Variants in EFS observed in about 807,000 individuals in gnomAD.
The protein encoded by EFS is Cas scaffolding protein family member 3.
Under a neutral mutation model 42.2 loss-of-function variants are expected in EFS, and 34 were observed. The ratio of observed to expected loss-of-function variants is 0.81; its 90% CI spans 0.61 to 1.07. EFS has a LOEUF of 1.07. EFS is among the 50% of genes least tolerant of loss of function. The probability of loss-of-function intolerance (pLI) is 0.00; values close to 1 mark genes in which losing one functional copy is unlikely to be tolerated. For synonymous variants in EFS, 299 were observed against 320.7 expected (o/e 0.93, Z 0.72); for missense variants, 717 against 729.4 (o/e 0.98, Z 0.20).
rs1338850637 is a variant in EFS at position 23,359,435 on chromosome 14, C to T, written c.1043G>A (p.Gly348Glu). Reference protein sequence around the residue: ...PPPPPRLPGYGGPKVEGDPEG... With the variant: ...PPPPPRLPGYEGPKVEGDPEG... ...TGGATCCCCCTCGACCTTGGGGCCT[C>T]CATAACCAGGCAGGCGGGGTGGGGG... The change falls in exon 4 of 6, where the codon GGA (glycine) becomes GAA (glutamate). Residue 348 changes from glycine to glutamate, a missense_variant. Physicochemically the swap from Gly to Glu is moderately conservative, Grantham distance 98 (BLOSUM62 -2). Coordinates refer to ENST00000216733, the MANE Select transcript of EFS (RefSeq NM_005864.4). The T allele has an allele frequency of 6.2e-7, 1 of 1,607,664 alleles. No homozygotes were observed. Among genetic ancestry groups the T allele is most frequent in the East Asian group, 2.3e-5 (1 of 44,406 alleles).
At chr14:23,359,004 A>G in intron 4 of EFS, 39 bp from the exon 5 acceptor site, 1 of 1,557,202 alleles carries the variant, frequency 6.4e-7, no homozygotes, top group Non-Finnish European at 8.7e-7. Context: ...GGGGTGGGGG[A>G]GCAGGACGGG....
At chr14:23,358,990 T>G in intron 4 of EFS, 25 bp from the exon 5 acceptor site, 1 of 1,587,366 alleles carries the variant, frequency 6.3e-7, no homozygotes, top group South Asian at 1.1e-5. Flanking sequence ...CAGGTCTCAG[T>G]GTCGGGGTGG....
chr14:23,359,441 C>T lies in EFS; in HGVS notation c.1037G>A (p.Gly346Asp), dbSNP rs760103137. 1.2e-6 allele frequency: 2 copies of T among 1,605,956 alleles called. No homozygotes were observed. Among genetic ancestry groups the T allele is most frequent in the African/African-American group, 2.7e-5 (2 of 74,446 alleles). Residue 346 changes from glycine (G) to aspartate (D), a missense_variant, in exon 4 of 6, where the codon GGT becomes GAT. Transcript: ENST00000216733. Reference sequence around the variant, plus strand: ...CCCCTCGACCTTGGGGCCTCCATAACCAGGCAGGCGGGGTGGGGGTGGGGG... The same window carrying T: ...CCCCTCGACCTTGGGGCCTCCATAATCAGGCAGGCGGGGTGGGGGTGGGGG... Reference protein sequence around the residue: ...PLPPPPPRLPGYGGPKVEGDP... With the variant: ...PLPPPPPRLPDYGGPKVEGDP...
intron 5 of EFS, among the ~76,000 whole-genome samples, chr14:23,358,551 G>A (rs1410366963): frequency 6.6e-6 from 1 of 152,144 alleles, no homozygotes; most frequent in African/African-American, 2.4e-5. Context: ...AGGAGCCCAG[G>A]AATTCACAGT....
Position 23,360,188 on chromosome 14 carries a change from G to A in EFS, c.391C>T (p.Pro131Ser), listed in dbSNP as rs775564510. 58 of 1,614,060 alleles carry A rather than the reference G, an allele frequency of 3.6e-5. No homozygotes were observed. The highest frequency in any genetic ancestry group is 4.7e-5 in the Non-Finnish European group (56 of 1,180,036). The change falls in exon 3 of 6, where the codon CCC becomes TCC. Residue 131 changes from proline to serine, a missense_variant. Physicochemically the swap from Pro to Ser is moderately conservative, Grantham distance 74. Coordinates refer to ENST00000216733, the MANE Select transcript of EFS (RefSeq NM_005864.4). ...PPSPDLIYKI[P>S]RASGTQLAAP... Reference sequence around the variant, plus strand: ...GCCAGCTGGGTCCCACTAGCTCTGGGGATTTTGTAGATGAGGTCAGGAGAG... The same window carrying A: ...GCCAGCTGGGTCCCACTAGCTCTGGAGATTTTGTAGATGAGGTCAGGAGAG...
rs773097282 is a variant in EFS, at chr14:23,360,217, G to A, written c.362C>T (p.Pro121Leu). The stretch of plus-strand genomic sequence containing the variant: ...TTTGTAGATGAGGTCAGGAGAGGGT[G>A]GGCAAGGTCCAGCTGGAGGTCCTGA... ...PTSGPPAGPC[P>L]PSPDLIYKIP... The change falls in exon 3 of 6, where the codon CCA (proline) becomes CTA (leucine). Residue 121 changes from proline (P) to leucine (L), a missense_variant. Pro to Leu is a moderately conservative substitution (Grantham distance 98). Coordinates refer to ENST00000216733, the MANE Select transcript of EFS (RefSeq NM_005864.4). The A allele has an allele frequency of 6.8e-6, 11 of 1,614,106 alleles. No individual in the cohort carries two copies.
intron 1 of EFS, among the ~76,000 whole-genome samples, chr14:23,361,687 T>C (rs919546626): frequency 1.3e-5 from 2 of 152,184 alleles, no homozygotes; most frequent in African/African-American, 4.8e-5. Context: ...TCCAGTCCTG[T>C]CTGGTGGGGG....
intron 1 of EFS, among the ~76,000 whole-genome samples, chr14:23,363,133 T>C (rs942201366): frequency 3.3e-5 from 5 of 151,880 alleles, no homozygotes; most frequent in African/African-American, 7.3e-5. Context: ...CAGGATGGTT[T>C]TGATCTCCTG....
At position 23,360,654 on chromosome 14, in the gene EFS, C is replaced by G. The variant is rs571795917; in HGVS notation, c.198G>C (p.Leu66Phe). 7 of 1,612,880 alleles carry G rather than the reference C, an allele frequency of 4.3e-6. No individual in the cohort carries two copies. The highest frequency in any genetic ancestry group is 1.7e-4 in the Middle Eastern group (1 of 6,004). The change falls in exon 2 of 6, where the codon TTG becomes TTC. Residue 66 changes from leucine (L) to phenylalanine (F), a missense_variant. Leu to Phe is a conservative substitution (Grantham distance 22). Coordinates refer to ENST00000216733, the MANE Select transcript of EFS (RefSeq NM_005864.4). Reference sequence around the variant, plus strand: ...TGGGCTTGGGTGCTGGGCCAGCAGGCAAGAGCTTCACCCTGTTGGCGGGCA... The same window carrying G: ...TGGGCTTGGGTGCTGGGCCAGCAGGGAAGAGCTTCACCCTGTTGGCGGGCA... Reference protein sequence around the residue: ...GIVPANRVKLLPAGPAPKPSL... With the variant: ...GIVPANRVKLFPAGPAPKPSL...
At chr14:23,361,561 C>T (rs369711942) in intron 1 of EFS, among the ~76,000 whole-genome samples, 21 of 152,314 alleles carry the variant, frequency 1.4e-4, no homozygotes, top group East Asian at 7.7e-4. Flanking sequence ...GGGATCCTTC[C>T]AGCAGGCATC....
chr14:23,359,565 G>A lies in EFS; in HGVS notation c.913C>T (p.Arg305Cys), dbSNP rs1313159510. 2.8e-5 allele frequency: 42 copies of A among 1,495,058 alleles called. No homozygotes were observed. Among genetic ancestry groups the A allele is most frequent in the Non-Finnish European group, 3.5e-5 (40 of 1,129,002 alleles). 92.6% of individuals were successfully genotyped at this position (1,495,058 alleles called of 1,614,324 possible). A position where few individuals can be genotyped will look rare whatever the true frequency, so the allele number is the denominator to read the frequency against. Residue 305 changes from arginine to cysteine, a missense_variant, in exon 4 of 6, where the codon CGC becomes TGC. By Grantham distance (180) the Arg-to-Cys change is radical. Transcript: ENST00000216733. The stretch of plus-strand genomic sequence containing the variant: ...GGGACAGGCAGGGCAGGCAGAGGGC[G>A]GCGGGACAGGCTCTCAGCTGAGGGG... The part of the protein sequence containing the change: ...RLPSAESLSR[R>C]PLPALPVPEA...
Position 23,360,131 on chromosome 14 carries a change from T to C in EFS, c.438+10A>G. On this transcript the variant is annotated intron_variant, in intron 3 of 5. Transcript: ENST00000216733. ...CCCACCCAACATACACAGGGACCTC[T>C]AGCCCTCACCTCCAAGGCATCTCTG... 1 of 1,614,146 alleles carries C rather than the reference T, an allele frequency of 6.2e-7. No homozygotes were observed. Among genetic ancestry groups the C allele is most frequent in the Non-Finnish European group, 8.5e-7 (1 of 1,180,004 alleles).
intron 1 of EFS, among the ~76,000 whole-genome samples, chr14:23,361,702 T>G (rs1395254114): frequency 1.3e-5 from 2 of 152,202 alleles, no homozygotes; most frequent in Non-Finnish European, 2.9e-5. Flanking sequence ...TGGGGGCTTA[T>G]AAGCTTTTTC....
At chr14:23,359,116 T>C in intron 4 of EFS, 151 bp from the exon 5 acceptor site, 1 of 1,115,240 alleles carries the variant, frequency 9.0e-7, no homozygotes, top group Admixed American at 2.3e-5. Context: ...AGAGCTCTGG[T>C]GGCCCCAGGC....
rs766014080 is a variant in EFS, at chr14:23,360,141, C to G, written c.438G>C (p.Glu146Asp). The G allele has an allele frequency of 6.8e-6, 11 of 1,614,216 alleles. No individual in the cohort carries two copies. Among genetic ancestry groups the G allele is most frequent in the Non-Finnish European group, 9.3e-6 (11 of 1,180,036 alleles). ...TQLAAPRDAL[E>D]VYDVPPTALR... is the part of the protein sequence containing the mutation. ...ATACACAGGGACCTCTAGCCCTCAC[C>G]TCCAAGGCATCTCTGGGAGCAGCCA... is the stretch of plus-strand genomic sequence containing the variant. The change falls in exon 3 of 6, where the codon GAG becomes GAC. Residue 146 changes from glutamate to aspartate, a missense_variant and splice_region_variant. Coordinates refer to ENST00000216733, the MANE Select transcript of EFS (RefSeq NM_005864.4).
rs1889915876 is a variant in EFS, at chr14:23,356,664, G to T, written c.*562C>A. Reference sequence around the variant, plus strand: ...GCTCCCAAGAAGCAGAGTCAGGGAGGCAGACAGCAGGGTTTATTAAGGTGC... The same window carrying T: ...GCTCCCAAGAAGCAGAGTCAGGGAGTCAGACAGCAGGGTTTATTAAGGTGC... On this transcript the variant is annotated 3_prime_UTR_variant, in exon 6 of 6. Coordinates refer to ENST00000216733, the MANE Select transcript of EFS (RefSeq NM_005864.4). 6.6e-6 allele frequency: 1 copy of T among 152,214 alleles called. No individual in the cohort carries two copies. The highest frequency in any genetic ancestry group is 6.5e-5 in the Admixed American group (1 of 15,274). 9.4% of individuals were successfully genotyped at this position (152,214 alleles called of 1,614,324 possible). A position where few individuals can be genotyped will look rare whatever the true frequency, so the allele number is the denominator to read the frequency against.
chr14:23,358,276 A>T (rs1445823309), intron 5 of EFS, among the ~76,000 whole-genome samples: 6 of 152,234 alleles, frequency 3.9e-5, no homozygotes. Flanking sequence ...GATAATATAC[A>T]GAAAGGGCTT....
intron 2 of EFS, 59 bp from the exon 3 acceptor site, chr14:23,360,340 G>C (rs1890104235): frequency 1.3e-6 from 2 of 1,557,222 alleles, no homozygotes; most frequent in South Asian, 2.5e-5. Flanking sequence ...ATCAGATAAT[G>C]TCTGAGTGCG....
intron 5 of EFS, 129 bp downstream of exon 5, chr14:23,358,747 C>G: frequency 1.2e-6 from 1 of 801,104 alleles, no homozygotes; most frequent in Non-Finnish European, 1.9e-6. Context: ...CCGCTCTGTC[C>G]CTGGTTCCTG....
Sources: allele counts gnomAD v4.1 joint callset (sites outside exome capture counted in the v4.1 genomes callset), GRCh38; gene constraint gnomAD v4.1.1; transcripts MANE v1.5; gene names NCBI Gene and HGNC (gene_info 2026-07-23, HGNC 2026-07-21).